Variants in ANO10 observed in about 807,000 individuals in gnomAD.
ANO10 encodes anoctamin-10.
ANO10 carries 77 observed loss-of-function variants against 74.7 expected under a neutral mutation model. The observed-to-expected ratio is 1.03, with a 90% CI of 0.86 to 1.25. ANO10 has a LOEUF of 1.25. ANO10 is among the 50% of genes most tolerant of loss of function. The pLI, the probability that ANO10 is intolerant of heterozygous loss-of-function variation, is 0.00. For missense variants in ANO10, 721 were observed against 778.1 expected (o/e 0.93, Z 0.87); for synonymous variants, 279 against 284.9 (o/e 0.98, Z 0.21).
chr3:43,377,876 C>T (rs765886812), intron 12 of ANO10, among the ~76,000 whole-genome samples: 6 of 152,176 alleles, frequency 3.9e-5, no homozygotes, highest in Non-Finnish European at 7.4e-5. Context: ...GGAATAAACA[C>T]TCTAGAAATC....
intron 12 of ANO10, among the ~76,000 whole-genome samples, chr3:43,410,405 T>G (rs1276037883): frequency 6.6e-6 from 1 of 152,084 alleles, no homozygotes; most frequent in Non-Finnish European, 1.5e-5. Context: ...AGGTACGCCC[T>G]ACCACACCTG....
intron 12 of ANO10, among the ~76,000 whole-genome samples, chr3:43,400,313 G>A (rs2092456954): frequency 6.6e-6 from 1 of 151,508 alleles, no homozygotes; most frequent in Non-Finnish European, 1.5e-5. Flanking sequence ...TGTCCACTAG[G>A]TCAACTCCCA....
At chr3:43,533,309 C>T (rs2078556391) in intron 11 of ANO10, among the ~76,000 whole-genome samples, 1 of 152,170 alleles carries the variant, frequency 6.6e-6, no homozygotes, top group South Asian at 2.1e-4. Flanking sequence ...ATGCCCCTGC[C>T]TCCAAGTATC....
chr3:43,532,545 T>C lies in ANO10; in HGVS notation c.1797+17175A>G, dbSNP rs375540567. On this transcript the variant is annotated intron_variant, in intron 11 of 12. Coordinates refer to ENST00000292246, the MANE Select transcript of ANO10 (RefSeq NM_018075.5). ...TCTTTATTTGCAGAGATACATAAAA[T>C]TCTCAAAACAAAATTAAATTGTTTT... is the stretch of plus-strand genomic sequence containing the variant. 7.9e-5 allele frequency among the ~76,000 whole-genome samples: 12 copies of C among 152,288 alleles called. No individual in the cohort carries two copies. In the East Asian group the frequency reaches 1.4e-3, roughly 17 times the overall value.
intron 11 of ANO10, among the ~76,000 whole-genome samples, chr3:43,529,012 C>T (rs191389660): frequency 3.9e-4 from 59 of 152,130 alleles, no homozygotes; most frequent in African/African-American, 1.3e-3. Flanking sequence ...GAAAATGTTC[C>T]AGAAACAAAA....
rs2084166526 is a variant in ANO10 at position 43,679,508 on chromosome 3, C to G, written c.-12+12009G>C. 2.0e-5 allele frequency among the ~76,000 whole-genome samples: 3 copies of G among 152,226 alleles called. No individual in the cohort carries two copies. The South Asian group carries it at 6.2e-4, about 31-fold the overall frequency. On this transcript the variant is annotated intron_variant, in intron 1 of 3. Coordinates refer to the ANO10 transcript ENST00000413397. ...CTGCCAGCCTCTGTAGACTCCACCT[C>G]TGGGGGCAGGGCATAGCCAAACAAA...
chr3:43,550,471 T>C (rs1445633508), intron 10 of ANO10, among the ~76,000 whole-genome samples: 1 of 152,238 alleles, frequency 6.6e-6, no homozygotes, highest in African/African-American at 2.4e-5. Flanking sequence ...AGAAATGTTG[T>C]GACCATTGCT....
intron 1 of ANO10, among the ~76,000 whole-genome samples, chr3:43,610,888 T>C (rs945719730): frequency 6.6e-6 from 1 of 152,190 alleles, no homozygotes; most frequent in Admixed American, 6.5e-5. Flanking sequence ...TGAAATTGTA[T>C]CCTATTGACT....
intron 1 of ANO10, among the ~76,000 whole-genome samples, chr3:43,646,049 C>T (rs1243090908): frequency 1.3e-5 from 2 of 152,170 alleles, no homozygotes; most frequent in Non-Finnish European, 2.9e-5. Flanking sequence ...CTCAGGCAAT[C>T]CACCCGCCTC....
chr3:43,466,169 A>G (rs13086999), intron 11 of ANO10, among the ~76,000 whole-genome samples: 33,806 of 151,802 alleles, frequency 0.22, 4,304 homozygotes, highest in Middle Eastern at 0.36. Flanking sequence ...TCAGGAGATC[A>G]AGACCATCCC....
rs181866952 is a variant in ANO10 at position 43,382,741 on chromosome 3, G to T, written c.1915-15767C>A. On this transcript the variant is annotated intron_variant, in intron 12 of 12. Coordinates refer to ENST00000292246, the MANE Select transcript of ANO10 (RefSeq NM_018075.5). ...TACAAAAGATCATTCAGGCTACTAT[G>T]AACACCTTTATGTGCATAAACTAGG... 4.3e-4 allele frequency among the ~76,000 whole-genome samples: 65 copies of T among 152,278 alleles called. No individual in the cohort carries two copies. The East Asian group carries it at 0.012, about 28-fold the overall frequency.
intron 10 of ANO10, chr3:43,551,453 T>C (rs1447591515): frequency 2.2e-6 from 1 of 456,254 alleles, no homozygotes; most frequent in Admixed American, 2.4e-5. Context: ...CTTCATTACC[T>C]TTTGATAGGT....
intron 11 of ANO10, among the ~76,000 whole-genome samples, chr3:43,469,450 A>C (rs538497034): frequency 6.6e-6 from 1 of 152,298 alleles, no homozygotes; most frequent in East Asian, 1.9e-4. Flanking sequence ...AAGGCACATG[A>C]CCTGTCAAGA....
chr3:43,633,170 G>T (rs998476745), intron 1 of ANO10, among the ~76,000 whole-genome samples: 2 of 152,130 alleles, frequency 1.3e-5, no homozygotes, highest in East Asian at 3.8e-4. Context: ...GAAATATTAG[G>T]TTGGTGCAAA....
intron 12 of ANO10, 34 bp downstream of exon 12, chr3:43,432,577 G>A: frequency 6.8e-7 from 1 of 1,470,740 alleles, no homozygotes; most frequent in Non-Finnish European, 9.5e-7. Context: ...ATTTGCTAAA[G>A]CAATACATAC....
chr3:43,532,474 G>A (rs1308422484), intron 11 of ANO10, among the ~76,000 whole-genome samples: 1 of 152,184 alleles, frequency 6.6e-6, no homozygotes, highest in Non-Finnish European at 1.5e-5. Context: ...CTATACAACT[G>A]TTCATCCAGT....
chr3:43,663,532 T>C (rs1432856390), intron 1 of ANO10, among the ~76,000 whole-genome samples: 4 of 152,170 alleles, frequency 2.6e-5, no homozygotes, highest in Non-Finnish European at 2.9e-5. Flanking sequence ...TATTGGAAGT[T>C]CTGGCCAGGG....
At chr3:43,665,175 C>G (rs958544939) in intron 1 of ANO10, among the ~76,000 whole-genome samples, 1 of 152,164 alleles carries the variant, frequency 6.6e-6, no homozygotes, top group Non-Finnish European at 1.5e-5. Context: ...CACATATACA[C>G]CATGGAATAC....
intron 12 of ANO10, among the ~76,000 whole-genome samples, chr3:43,412,190 A>C (rs2092676597): frequency 6.6e-6 from 1 of 152,010 alleles, no homozygotes; most frequent in Admixed American, 6.6e-5. Context: ...TCTTCAACCA[A>C]AAGTGAAAAT....
Sources: allele counts gnomAD v4.1 joint callset (sites outside exome capture counted in the v4.1 genomes callset), GRCh38; gene constraint gnomAD v4.1.1; transcripts MANE v1.5; gene names NCBI Gene and HGNC (gene_info 2026-07-23, HGNC 2026-07-21).